ZBTB8A: variants seen among roughly 807,000 people sequenced by gnomAD.
The protein encoded by ZBTB8A is zinc finger and BTB domain containing 8A, also known as zinc finger and BTB domain-containing protein 8A.
In ZBTB8A, 19 loss-of-function variants were observed where a neutral mutation model predicts 37.8. The ratio of observed to expected loss-of-function variants is 0.50; its 90% CI spans 0.35 to 0.74. The LOEUF (loss-of-function observed/expected upper bound fraction) is 0.74, where lower values mean the gene tolerates loss of function less well. ZBTB8A is among the 30% of genes least tolerant of loss of function. The pLI, the probability that ZBTB8A is intolerant of heterozygous loss-of-function variation, is 0.01. For missense variants in ZBTB8A, 394 were observed against 537.8 expected, an observed-to-expected ratio of 0.73 and a Z score of 2.65; for synonymous variants, 181 against 185.2, an observed-to-expected ratio of 0.98 and a Z score of 0.19.
At chr1:32,573,218 G>A (rs945671702) in intron 2 of ZBTB8A, among the ~76,000 whole-genome samples, 59 of 149,226 alleles carry the variant, frequency 4.0e-4, no homozygotes, top group African/African-American at 9.3e-4. Context: ...TTACAGGTGC[G>A]TGCCACCACA....
At chr1:32,569,386 CTTTTTTT>C (rs563715372) in intron 2 of ZBTB8A, among the ~76,000 whole-genome samples, 10 of 82,302 alleles carry the variant, frequency 1.2e-4, no homozygotes, top group South Asian at 4.2e-4. Flanking sequence ...TTTTCCTTTC[CTTTTTTT>C]TTTTTTTTTT....
At chr1:32,596,542 C>G (rs1228233495) in intron 4 of ZBTB8A, among the ~76,000 whole-genome samples, 1 of 152,076 alleles carries the variant, frequency 6.6e-6, no homozygotes, top group Non-Finnish European at 1.5e-5. Flanking sequence ...GATCGCGCCA[C>G]TGCACTCCAG....
At chr1:32,600,023 C>T in intron 4 of ZBTB8A, 64 bp from the exon 5 acceptor site, 1 of 1,361,066 alleles carries the variant, frequency 7.3e-7, no homozygotes, top group Non-Finnish European at 1.0e-6. Context: ...GAACTGGTAC[C>T]TAAAATATCA....
chr1:32,577,373 C>G (rs969068228), intron 2 of ZBTB8A, among the ~76,000 whole-genome samples: 1 of 151,380 alleles, frequency 6.6e-6, no homozygotes, highest in Non-Finnish European at 1.5e-5. Context: ...TGGTGTTGAG[C>G]TCCTGAGCTC....
At chr1:32,553,886 CAA>C (rs34338542) in intron 2 of ZBTB8A, among the ~76,000 whole-genome samples, 84 of 77,112 alleles carry the variant, frequency 1.1e-3, no homozygotes, top group Non-Finnish European at 1.1e-3. Context: ...AACTCTGTCT[CAA>C]AAAAAAAAAA....
intron 1 of ZBTB8A, among the ~76,000 whole-genome samples, chr1:32,552,413 A>C (rs1022572615): frequency 7.2e-5 from 11 of 152,024 alleles, no homozygotes; most frequent in Admixed American, 2.0e-4. Context: ...TAATCTCAGC[A>C]CTTTGGGAGG....
intron 2 of ZBTB8A, among the ~76,000 whole-genome samples, chr1:32,580,724 G>T (rs985152727): frequency 4.6e-5 from 7 of 152,162 alleles, no homozygotes; most frequent in African/African-American, 9.6e-5. Context: ...GCTTGTCTTA[G>T]TCCGTTTCTG....
At chr1:32,548,521 A>G (rs997913827) in intron 1 of ZBTB8A, among the ~76,000 whole-genome samples, 2 of 151,940 alleles carry the variant, frequency 1.3e-5, no homozygotes, top group East Asian at 3.9e-4. Flanking sequence ...TTTAGTAGAG[A>G]TGGGGTTTTG....
Position 32,541,240 on chromosome 1 carries a change from A to G in ZBTB8A, c.-84+1668A>G, listed in dbSNP as rs533509825. On this transcript the variant is annotated intron_variant, in intron 1 of 4. Transcript: ENST00000373510. ...ACGCAGTTTAAAAGCCAAAAGCTCC[A>G]TAATAGTCTATGCAGCCTTACAAGC... is the stretch of plus-strand genomic sequence containing the variant. Among the ~76,000 whole-genome samples, 41 of 152,326 alleles carry G rather than the reference A, an allele frequency of 2.7e-4. No homozygotes were observed. In the South Asian group the frequency reaches 6.0e-3, roughly 22 times the overall value.
intron 2 of ZBTB8A, among the ~76,000 whole-genome samples, chr1:32,591,270 G>T (rs1159701925): frequency 6.6e-6 from 1 of 151,620 alleles, no homozygotes; most frequent in East Asian, 1.9e-4. Flanking sequence ...ACAGTGAGTG[G>T]CATGATCATG....
At chr1:32,566,778 G>T (rs1644282568) in intron 2 of ZBTB8A, among the ~76,000 whole-genome samples, 1 of 152,122 alleles carries the variant, frequency 6.6e-6, no homozygotes, top group Non-Finnish European at 1.5e-5. Context: ...AACAAGTTAT[G>T]TGAAGATCCT....
rs1336514292 is a variant in ZBTB8A, at chr1:32,600,783, C to T, written c.*364C>T. 1 of 173,314 alleles carries T rather than the reference C, an allele frequency of 5.8e-6. No homozygotes were observed. The highest frequency in any genetic ancestry group is 1.2e-5 in the Non-Finnish European group (1 of 80,938). The allele number at this position is 173,314 out of a possible 1,614,324, so 10.7% of individuals were successfully genotyped here. On this transcript the variant is annotated 3_prime_UTR_variant, in exon 5 of 5. Coordinates refer to ENST00000373510, the MANE Select transcript of ZBTB8A (RefSeq NM_001040441.3). ...AATACTTTAAATAAATTCACCACAA[C>T]CAAACTTTATGTAAGACAATTTCAA...
At chr1:32,556,455 A>G (rs920271887) in intron 2 of ZBTB8A, among the ~76,000 whole-genome samples, 4 of 151,434 alleles carry the variant, frequency 2.6e-5, no homozygotes, top group African/African-American at 4.9e-5. Context: ...GCAGCCTCCA[A>G]CTCCTGGGCC....
intron 2 of ZBTB8A, among the ~76,000 whole-genome samples, chr1:32,570,496 A>G (rs1644315857): frequency 6.6e-6 from 1 of 152,206 alleles, no homozygotes. Flanking sequence ...CTGTACGTCC[A>G]CTTGAATAGA....
In ZBTB8A at chr1:32,559,224, G is replaced by T. The variant is rs1336795600; in HGVS notation, c.-2+5684G>T. Among the ~76,000 whole-genome samples the T allele has an allele frequency of 2.0e-5, 3 of 150,726 alleles. No homozygotes were observed. In the East Asian group the frequency reaches 6.0e-4, roughly 30 times the overall value. ...CTTCCCGGGTTCAAGCCTTTTTCGT[G>T]CCTCAGCCTCCCTAGTAGCTGGAAT... is the stretch of plus-strand genomic sequence containing the variant. On this transcript the variant is annotated intron_variant, in intron 2 of 4. Coordinates refer to ENST00000373510, the MANE Select transcript of ZBTB8A (RefSeq NM_001040441.3).
chr1:32,589,377 A>G (rs1311418489), intron 2 of ZBTB8A, among the ~76,000 whole-genome samples: 1 of 151,366 alleles, frequency 6.6e-6, no homozygotes, highest in African/African-American at 2.4e-5. Context: ...CAGCCTCCTG[A>G]GTAGCTCGGA....
intron 2 of ZBTB8A, among the ~76,000 whole-genome samples, chr1:32,555,918 A>ATT: frequency 6.8e-6 from 1 of 147,702 alleles, no homozygotes; most frequent in Non-Finnish European, 1.5e-5. Flanking sequence ...TTTTAATTTA[A>ATT]TTTTTTTTTT....
intron 2 of ZBTB8A, among the ~76,000 whole-genome samples, chr1:32,556,063 T>A (rs1250227611): frequency 5.4e-5 from 8 of 148,960 alleles, no homozygotes; most frequent in Non-Finnish European, 1.0e-4. Flanking sequence ...CACATGCAAT[T>A]TTTTATTTTT....
chr1:32,594,997 C>T, intron 3 of ZBTB8A, 57 bp from the exon 4 acceptor site: 22 of 1,395,718 alleles, frequency 1.6e-5, no homozygotes, highest in South Asian at 6.9e-5. Context: ...TGGATTCTTT[C>T]TGTTATTAGA....
Sources: allele counts gnomAD v4.1 joint callset (sites outside exome capture counted in the v4.1 genomes callset), GRCh38; gene constraint gnomAD v4.1.1; transcripts MANE v1.5; gene names NCBI Gene and HGNC (gene_info 2026-07-23, HGNC 2026-07-21).